The following CHAD variants were observed in gnomAD, a reference collection of about 807,000 sequenced individuals.
CHAD encodes cartilage leucine-rich protein.
Under a neutral mutation model 24.0 loss-of-function variants are expected in CHAD, and 18 were observed. The ratio of observed to expected loss-of-function variants is 0.75; its 90% CI spans 0.52 to 1.11. CHAD has a LOEUF of 1.11. Among genes scored for constraint, CHAD ranks in the 50% most tolerant of loss-of-function variants. CHAD has a pLI of 0.00. For missense variants in CHAD, 440 were observed against 467.2 expected (o/e 0.94, Z 0.54); for synonymous variants, 195 against 211.6 (o/e 0.92, Z 0.68).
In CHAD at chr17:50,464,742, A is replaced by C; in HGVS notation, c.*312T>G. 5.9e-6 allele frequency: 2 copies of C among 341,184 alleles called. No homozygotes were observed. The highest frequency in any genetic ancestry group is 2.1e-5 in the South Asian group (1 of 46,694). 21.1% of individuals were successfully genotyped at this position (341,184 alleles called of 1,614,324 possible). On this transcript the variant is annotated 3_prime_UTR_variant, in exon 4 of 4. Coordinates refer to ENST00000508540, the MANE Select transcript of CHAD (RefSeq NM_001267.3). ...TCCTGGGAGGGTGGCCATCCTGATG[A>C]CCAACCTGTTGTGGTTCTGATTGAC...
chr17:50,465,747 TA>T lies in CHAD; in HGVS notation c.897del (p.Asn299LysfsTer97), dbSNP rs1291287605. 6.2e-7 allele frequency: 1 copy of T among 1,613,672 alleles called. No individual in the cohort carries two copies. The highest frequency in any genetic ancestry group is 1.3e-5 in the African/African-American group (1 of 74,814). On this transcript the variant is annotated frameshift_variant, in exon 2 of 4. Coordinates refer to ENST00000508540, the MANE Select transcript of CHAD (RefSeq NM_001267.3). LOFTEE classifies it high-confidence loss of function. ...FDSLETLALT[N>X]NPWKCTCQLR... ...AGCTGGCAGGTACACTTCCAGGGGT[TA>T]TTGGTAAGGGCGAGGGTCTCCAGGC...
Position 50,468,264 on chromosome 17 carries a change from T to G in CHAD, c.550A>C (p.Ser184Arg). The G allele has an allele frequency of 6.2e-7, 1 of 1,611,288 alleles. No homozygotes were observed. The highest frequency in any genetic ancestry group is 8.5e-7 in the Non-Finnish European group (1 of 1,177,690). Residue 184 changes from serine (S) to arginine (R), a missense_variant, in exon 1 of 4, where the codon AGC (serine) becomes CGC (arginine). Physicochemically the swap from Ser to Arg is moderately radical, Grantham distance 110. Transcript: ENST00000508540. ...TCCAGGGCCCCGGGCTGCAGGGAGCTCAACGCGTTTTCCGACAGGTAGAGC... is the reference window on the plus strand; with the variant it reads ...TCCAGGGCCCCGGGCTGCAGGGAGCGCAACGCGTTTTCCGACAGGTAGAGC... ...RWLYLSENALSSLQPGALDDV... is the reference protein window; with the variant it reads ...RWLYLSENALRSLQPGALDDV...
chr17:50,466,188 G>A (rs1479149070), intron 1 of CHAD, among the ~76,000 whole-genome samples: 6 of 147,544 alleles, frequency 4.1e-5, no homozygotes, highest in African/African-American at 1.3e-4. Flanking sequence ...CCGGGTTCAC[G>A]CCATTCTCCG....
At chr17:50,465,132 C>T (rs374396819) in intron 3 of CHAD, 83 bp from the exon 4 acceptor site, 79 of 746,892 alleles carry the variant, frequency 1.1e-4, no homozygotes, top group Non-Finnish European at 1.6e-4. Context: ...TGGGCAGGAC[C>T]TTTTCCTCCC....
chr17:50,465,745 G>T lies in CHAD; in HGVS notation c.900C>A (p.Asn300Lys). 6.2e-7 allele frequency: 1 copy of T among 1,613,838 alleles called. No homozygotes were observed. Among genetic ancestry groups the T allele is most frequent in the Non-Finnish European group, 8.5e-7 (1 of 1,179,980 alleles). The change falls in exon 2 of 4, where the codon AAC (asparagine) becomes AAA (lysine). Residue 300 changes from asparagine (N) to lysine (K), a missense_variant. Coordinates refer to ENST00000508540, the MANE Select transcript of CHAD (RefSeq NM_001267.3). The part of the protein sequence containing the change: ...DSLETLALTN[N>K]PWKCTCQLRG... ...GGAGCTGGCAGGTACACTTCCAGGG[G>T]TTATTGGTAAGGGCGAGGGTCTCCA...
chr17:50,467,054 G>C (rs184092938), intron 1 of CHAD, among the ~76,000 whole-genome samples: 23 of 152,308 alleles, frequency 1.5e-4, no homozygotes, highest in African/African-American at 5.5e-4. Flanking sequence ...CCAGTAACCA[G>C]ACTCTCCTCT....
At chr17:50,467,750 T>G (rs1598431009) in intron 1 of CHAD, 4 of 330,648 alleles carry the variant, frequency 1.2e-5, no homozygotes, top group East Asian at 4.9e-5. Context: ...CAGTTGGGGG[T>G]TTGGAAGCAC....
intron 1 of CHAD, among the ~76,000 whole-genome samples, chr17:50,467,585 G>A (rs1402214563): frequency 6.6e-6 from 1 of 152,132 alleles, no homozygotes; most frequent in Non-Finnish European, 1.5e-5. Context: ...GCCCCCACCA[G>A]GAACAGGGTC....
chr17:50,465,764 G>C lies in CHAD; in HGVS notation c.881C>G (p.Thr294Ser), dbSNP rs767560413. ...CCAGGGGTTATTGGTAAGGGCGAGG[G>C]TCTCCAGGCTGTCGAAGGGGAAGTT... Reference protein sequence around the residue: ...PSNFPFDSLETLALTNNPWKC... With the variant: ...PSNFPFDSLESLALTNNPWKC... The change falls in exon 2 of 4, where the codon ACC becomes AGC. Residue 294 changes from threonine (T) to serine (S), a missense_variant. Coordinates refer to ENST00000508540, the MANE Select transcript of CHAD (RefSeq NM_001267.3). The C allele has an allele frequency of 1.4e-5, 23 of 1,613,910 alleles. No homozygotes were observed. The highest frequency in any genetic ancestry group is 1.9e-5 in the Non-Finnish European group (23 of 1,179,986).
rs750533547 is a variant in CHAD, at chr17:50,468,107, T to A, written c.707A>T (p.Asp236Val). ...LSHNPLKSIPDNAFQSFGRYL... is the reference protein window; with the variant it reads ...LSHNPLKSIPVNAFQSFGRYL... ...TCTGCCAAAGGACTGGAAGGCATTG[T>A]CCGGGATGCTTTTCAGGGGGTTGTG... The change falls in exon 1 of 4, where the codon GAC becomes GTC. Residue 236 changes from aspartate (D) to valine (V), a missense_variant. Transcript: ENST00000508540. The A allele has an allele frequency of 8.7e-6, 14 of 1,613,970 alleles. No homozygotes were observed. Among genetic ancestry groups the A allele is most frequent in the Non-Finnish European group, 1.1e-5 (13 of 1,179,924 alleles).
rs1486657097 is a variant in CHAD, at chr17:50,465,777, C to T, written c.868G>A (p.Asp290Asn). 6 of 1,613,488 alleles carry T rather than the reference C, an allele frequency of 3.7e-6. No individual in the cohort carries two copies. The highest frequency in any genetic ancestry group is 1.6e-4 in the Middle Eastern group (1 of 6,084). The part of the protein sequence containing the change: ...LNQLPSNFPF[D>N]SLETLALTNN... ...GTAAGGGCGAGGGTCTCCAGGCTGT[C>T]GAAGGGGAAGTTGGAGGGTAGCTGG... Residue 290 changes from aspartate (D) to asparagine (N), a missense_variant, in exon 2 of 4, where the codon GAC becomes AAC. Transcript: ENST00000508540.
At position 50,468,269 on chromosome 17, in the gene CHAD, G is replaced by A. The variant is rs780934781; in HGVS notation, c.545C>T (p.Ala182Val). 3 of 1,611,136 alleles carry A rather than the reference G, an allele frequency of 1.9e-6. No individual in the cohort carries two copies. The highest frequency in any genetic ancestry group is 2.7e-5 in the African/African-American group (2 of 74,896). ...DLRWLYLSEN[A>V]LSSLQPGALD... is the part of the protein sequence containing the mutation. ...GGCCCCGGGCTGCAGGGAGCTCAAC[G>A]CGTTTTCCGACAGGTAGAGCCAGCG... Residue 182 changes from alanine (A) to valine (V), a missense_variant, in exon 1 of 4, where the codon GCG (alanine) becomes GTG (valine). Ala to Val is a moderately conservative substitution (Grantham distance 64). Coordinates refer to ENST00000508540, the MANE Select transcript of CHAD (RefSeq NM_001267.3).
chr17:50,467,542 CA>C (rs1249657619), intron 1 of CHAD, among the ~76,000 whole-genome samples: 1 of 152,186 alleles, frequency 6.6e-6, no homozygotes, highest in African/African-American at 2.4e-5. Context: ...CCTCACTCCC[CA>C]GTCCCCCACT....
At chr17:50,465,130 AC>A in intron 3 of CHAD, 81 bp from the exon 4 acceptor site, 1 of 719,858 alleles carries the variant, frequency 1.4e-6, no homozygotes, top group Non-Finnish European at 2.3e-6. Context: ...CCTGGGCAGG[AC>A]CTTTTCCTCC....
At position 50,468,148 on chromosome 17, in the gene CHAD, C is replaced by T. The variant is rs756714416; in HGVS notation, c.666G>A (p.Glu222=). Residue 222 remains glutamate (E), a synonymous_variant, in exon 1 of 4, where the codon GAG becomes GAA. Coordinates refer to ENST00000508540, the MANE Select transcript of CHAD (RefSeq NM_001267.3). ...SAALSKLRVV[E]ELKLSHNPLK... is the part of the protein sequence containing the mutation. ...GGGGGTTGTGGGACAGCTTCAGCTC[C>T]TCCACCACCCGTAGCTTGCTCAGGG... The T allele has an allele frequency of 3.1e-6, 5 of 1,614,178 alleles. No homozygotes were observed. The highest frequency in any genetic ancestry group is 1.7e-6 in the Non-Finnish European group (2 of 1,180,006).
rs1044608951 is a variant in CHAD, at chr17:50,465,814, G to T, written c.831C>A (p.Asn277Lys). 3 of 1,613,880 alleles carry T rather than the reference G, an allele frequency of 1.9e-6. No homozygotes were observed. The highest frequency in any genetic ancestry group is 2.5e-6 in the Non-Finnish European group (3 of 1,179,988). ...VTTLKHVHLE[N>K]NRLNQLPSNF... ...TGGAGGGTAGCTGGTTCAAGCGGTT[G>T]TTCTCCAAATGGACGTGTTTCAGCG... The change falls in exon 2 of 4, where the codon AAC becomes AAA. Residue 277 changes from asparagine (N) to lysine (K), a missense_variant. By Grantham distance (94) the Asn-to-Lys change is moderately conservative. Transcript: ENST00000508540.
At chr17:50,467,622 C>T (rs2032821169) in intron 1 of CHAD, among the ~76,000 whole-genome samples, 3 of 152,140 alleles carry the variant, frequency 2.0e-5, no homozygotes, top group South Asian at 2.1e-4. Context: ...CTGCCCAGCT[C>T]CTCTGGAAGG....
rs766967314 is a variant in CHAD, at chr17:50,468,544, C to T, written c.270G>A (p.Val90=). 6.2e-7 allele frequency: 1 copy of T among 1,614,252 alleles called. No individual in the cohort carries two copies. The highest frequency in any genetic ancestry group is 8.5e-7 in the Non-Finnish European group (1 of 1,180,038). Residue 90 remains valine, a synonymous_variant, in exon 1 of 4, where the codon GTG becomes GTA. Coordinates refer to ENST00000508540, the MANE Select transcript of CHAD (RefSeq NM_001267.3). Reference sequence around the variant, plus strand: ...TGAGGCCGCGGAAGGCACCGGCGGCCACCTCGCGGATCTGGCAGTGCTGCA... The same window carrying T: ...TGAGGCCGCGGAAGGCACCGGCGGCTACCTCGCGGATCTGGCAGTGCTGCA... ...LHLQHCQIRE[V]AAGAFRGLKQ... is the part of the protein sequence containing the mutation.
intron 3 of CHAD, 102 bp downstream of exon 3, chr17:50,465,192 T>G: frequency 7.2e-7 from 1 of 1,397,808 alleles, no homozygotes; most frequent in Non-Finnish European, 9.8e-7. Context: ...AAATGGAGGG[T>G]CTGCCTGACC....
Sources: gnomAD v4.1 joint callset for allele counts (sites outside exome capture counted in the v4.1 genomes callset) on GRCh38, gnomAD v4.1.1 for gene constraint, MANE v1.5 for transcripts, NCBI Gene and HGNC (gene_info 2026-07-23, HGNC 2026-07-21) for gene names.